CCDC91: variants seen among roughly 807,000 people sequenced by gnomAD.
The protein encoded by CCDC91 is coiled-coil domain containing 91.
A neutral mutation model predicts 63.2 loss-of-function variants in CCDC91; 48 were observed. The ratio of observed to expected loss-of-function variants is 0.76; its 90% CI spans 0.60 to 0.97. The LOEUF (loss-of-function observed/expected upper bound fraction) is 0.97, where lower values mean the gene tolerates loss of function less well. CCDC91 is among the 50% of genes least tolerant of loss of function. The pLI is 0.00. For synonymous variants in CCDC91, 167 were observed against 165.8 expected, an observed-to-expected ratio of 1.01 and a Z score of -0.06; for missense variants, 500 against 494.6, an observed-to-expected ratio of 1.01 and a Z score of -0.10.
At chr12:28,511,991 C>T (rs1418287360) in intron 12 of CCDC91, among the ~76,000 whole-genome samples, 1 of 151,826 alleles carries the variant, frequency 6.6e-6, no homozygotes, top group South Asian at 2.1e-4. Context: ...CTCTGAATCT[C>T]ATTAAAAACA....
At chr12:28,266,677 G>C (rs1947207614) in intron 3 of CCDC91, among the ~76,000 whole-genome samples, 1 of 151,822 alleles carries the variant, frequency 6.6e-6, no homozygotes, top group African/African-American at 2.4e-5. Context: ...TGTTCTATCT[G>C]AATCTGAATT....
chr12:28,516,775 A>C (rs935835016), intron 12 of CCDC91, among the ~76,000 whole-genome samples: 2 of 151,874 alleles, frequency 1.3e-5, no homozygotes, highest in Non-Finnish European at 2.9e-5. Flanking sequence ...ATTCTTTTAT[A>C]AGGAACCCCC....
chr12:28,480,534 G>A (rs934840695), intron 11 of CCDC91, among the ~76,000 whole-genome samples: 1 of 152,114 alleles, frequency 6.6e-6, no homozygotes, highest in East Asian at 1.9e-4. Context: ...ACAAATGAAT[G>A]TATGAACAGA....
chr12:28,423,616 G>A (rs1187224953), intron 8 of CCDC91, among the ~76,000 whole-genome samples: 2 of 152,082 alleles, frequency 1.3e-5, no homozygotes, highest in Non-Finnish European at 2.9e-5. Context: ...CTGGAATAGT[G>A]GGGCTGAATT....
chr12:28,238,387 AAGAG>A (rs527288328), intron 1 of CCDC91, among the ~76,000 whole-genome samples: 231 of 152,350 alleles, frequency 1.5e-3, no homozygotes, highest in African/African-American at 4.8e-3. Flanking sequence ...AATGAAAAGA[AAGAG>A]AAAGAGAGAA....
intron 1 of CCDC91, 80 bp from the exon 2 acceptor site, chr12:28,257,122 G>T (rs1946507978): frequency 1.2e-6 from 1 of 812,742 alleles, no homozygotes; most frequent in African/African-American, 1.7e-5. Context: ...AAATAAATAT[G>T]TATACATTTA....
intron 3 of CCDC91, among the ~76,000 whole-genome samples, chr12:28,283,083 C>T (rs1948701758): frequency 6.6e-6 from 1 of 152,022 alleles, no homozygotes; most frequent in South Asian, 2.1e-4. Context: ...TACTTTTGTA[C>T]CAGTTCCATG....
chr12:28,522,503 A>G (rs898713361), intron 12 of CCDC91, among the ~76,000 whole-genome samples: 8 of 151,654 alleles, frequency 5.3e-5, no homozygotes, highest in South Asian at 2.1e-4. Flanking sequence ...TATCAATTTT[A>G]TTGATCTTTT....
intron 8 of CCDC91, among the ~76,000 whole-genome samples, chr12:28,395,804 C>T (rs1352618309): frequency 5.3e-5 from 8 of 152,176 alleles, no homozygotes; most frequent in Non-Finnish European, 1.0e-4. Flanking sequence ...TATAATGAAA[C>T]TCCTAAATGA....
chr12:28,221,628 C>T (rs1943959446), intron 1 of CCDC91, among the ~76,000 whole-genome samples: 1 of 152,136 alleles, frequency 6.6e-6, no homozygotes, highest in South Asian at 2.1e-4. Flanking sequence ...TCTAATACAG[C>T]CCCACTACTA....
At chr12:28,334,223 T>C (rs1308541408) in intron 6 of CCDC91, among the ~76,000 whole-genome samples, 1 of 152,060 alleles carries the variant, frequency 6.6e-6, no homozygotes, top group Non-Finnish European at 1.5e-5. Context: ...TCCAAACAAG[T>C]GCTTGCAGAT....
At chr12:28,243,584 A>C (rs1164648959) in intron 1 of CCDC91, among the ~76,000 whole-genome samples, 1 of 152,190 alleles carries the variant, frequency 6.6e-6, no homozygotes, top group Non-Finnish European at 1.5e-5. Flanking sequence ...AGCAAAGGGT[A>C]TACAATATAT....
intron 8 of CCDC91, among the ~76,000 whole-genome samples, chr12:28,394,147 G>A (rs1946122586): frequency 6.6e-6 from 1 of 152,162 alleles, no homozygotes; most frequent in Non-Finnish European, 1.5e-5. Context: ...AAGCGGTTCA[G>A]TATGATGCTT....
At chr12:28,268,343 G>A (rs141033071) in intron 3 of CCDC91, among the ~76,000 whole-genome samples, 1,599 of 152,026 alleles carry the variant, frequency 0.011, 7 homozygotes, top group Middle Eastern at 0.017. Flanking sequence ...GATTACAGGC[G>A]TGAGCCACTG....
chr12:28,234,049 TTCA>T (rs1418918950), intron 1 of CCDC91, among the ~76,000 whole-genome samples: 1 of 152,280 alleles, frequency 6.6e-6, no homozygotes, highest in African/African-American at 2.4e-5. Flanking sequence ...AAATGGAAAC[TTCA>T]TCATTATTTC....
chr12:28,435,396 G>A (rs1178392642), intron 8 of CCDC91, among the ~76,000 whole-genome samples: 2 of 151,484 alleles, frequency 1.3e-5, no homozygotes, highest in Non-Finnish European at 3.0e-5. Flanking sequence ...TGTTATCCAG[G>A]TATCTTGGGA....
chr12:28,518,093 CAT>C (rs771384133), intron 12 of CCDC91, among the ~76,000 whole-genome samples: 4 of 151,930 alleles, frequency 2.6e-5, no homozygotes, highest in African/African-American at 7.2e-5. Flanking sequence ...CTGCTATAAA[CAT>C]GTGTGTGCAA....
chr12:28,390,019 A>G (rs1306066110), intron 7 of CCDC91, among the ~76,000 whole-genome samples: 2 of 152,114 alleles, frequency 1.3e-5, no homozygotes, highest in Non-Finnish European at 2.9e-5. Flanking sequence ...CATTTTCCTT[A>G]TATTTTGATA....
chr12:28,512,808 G>T (rs1289726357), intron 12 of CCDC91, among the ~76,000 whole-genome samples: 1 of 151,854 alleles, frequency 6.6e-6, no homozygotes, highest in African/African-American at 2.4e-5. Flanking sequence ...ATGCCAAGTT[G>T]TATGGTACGG....
Sources: gnomAD v4.1 joint callset for allele counts (sites outside exome capture counted in the v4.1 genomes callset) on GRCh38, gnomAD v4.1.1 for gene constraint, MANE v1.5 for transcripts, NCBI Gene and HGNC (gene_info 2026-07-23, HGNC 2026-07-21) for gene names.